FAM47E: variants seen among roughly 807,000 people sequenced by gnomAD.
The protein encoded by FAM47E is family with sequence similarity 47 member E.
In FAM47E, 32 loss-of-function variants were observed where a neutral mutation model predicts 41.6. The observed-to-expected ratio is 0.77, with a 90% CI of 0.58 to 1.03. The LOEUF is 1.03. FAM47E is among the 50% of genes least tolerant of loss of function. FAM47E has a pLI of 0.00. For missense variants in FAM47E, 424 were observed against 485.4 expected (o/e 0.87, Z 1.19); for synonymous variants, 184 against 188.7 (o/e 0.98, Z 0.20).
chr4:76,256,132 A>G (rs1202964896), intron 1 of FAM47E, 46 bp from the exon 2 acceptor site: 22 of 1,517,498 alleles, frequency 1.4e-5, no homozygotes, highest in Non-Finnish European at 2.0e-5. Context: ...TAATATGAAC[A>G]GGCATGTGGT....
chr4:76,244,782 C>T (rs917846683), intron 2 of FAM47E, among the ~76,000 whole-genome samples: 4 of 152,130 alleles, frequency 2.6e-5, no homozygotes, highest in African/African-American at 9.7e-5. Flanking sequence ...TCGTGATCCA[C>T]CCACCTCGGC....
intron 2 of FAM47E, among the ~76,000 whole-genome samples, chr4:76,240,026 G>GT (rs752414455): frequency 1.2e-4 from 19 of 152,024 alleles, no homozygotes; most frequent in Non-Finnish European, 2.1e-4. Flanking sequence ...TGCTAAGAGG[G>GT]TTTTTTTCTG....
At chr4:76,215,461 G>A (rs1733188914) in intron 1 of FAM47E, among the ~76,000 whole-genome samples, 2 of 152,224 alleles carry the variant, frequency 1.3e-5, no homozygotes, top group Admixed American at 1.3e-4. Flanking sequence ...AGGAGGCTTT[G>A]TTGAGGACTT....
chr4:76,267,070 G>C (rs528858159), intron 3 of FAM47E, among the ~76,000 whole-genome samples: 3 of 152,024 alleles, frequency 2.0e-5, no homozygotes, highest in Non-Finnish European at 4.4e-5. Context: ...TAATCACCCG[G>C]CATATGTTTG....
At chr4:76,277,944 A>G in intron 5 of FAM47E, 125 bp from the exon 6 acceptor site, 2 of 1,179,328 alleles carry the variant, frequency 1.7e-6, no homozygotes, top group African/African-American at 3.1e-5. Flanking sequence ...TTCACAAAAT[A>G]CTTTGGCAAG....
chr4:76,242,422 G>A (rs1733730910), intron 2 of FAM47E, among the ~76,000 whole-genome samples: 1 of 152,150 alleles, frequency 6.6e-6, no homozygotes, highest in Admixed American at 6.5e-5. Context: ...ACCAGAAGTA[G>A]TTGCCATTAC....
At chr4:76,282,049 GTAGAAGTA>G (rs1192612623) in intron 7 of FAM47E, 5 of 56,684 alleles carry the variant, frequency 8.8e-5, no homozygotes, top group Non-Finnish European at 1.7e-4. Context: ...ACATTTGTAT[GTAGAAGTA>G]CAGTACATTT....
intron 2 of FAM47E, among the ~76,000 whole-genome samples, chr4:76,256,740 C>T (rs572843307): frequency 6.6e-5 from 10 of 152,302 alleles, no homozygotes; most frequent in African/African-American, 2.4e-4. Context: ...GCTCTCTTTG[C>T]TTCCTGTGAA....
At chr4:76,216,093 T>TG (rs1733201847) in intron 1 of FAM47E, among the ~76,000 whole-genome samples, 1 of 152,176 alleles carries the variant, frequency 6.6e-6, no homozygotes, top group African/African-American at 2.4e-5. Context: ...CCCAGCCTGA[T>TG]GGGTGGGTGG....
At chr4:76,249,603 C>A (rs530661024), upstream of FAM47E, among the ~76,000 whole-genome samples, 110 of 151,648 alleles carry the variant, frequency 7.3e-4, 1 homozygote, top group African/African-American at 2.6e-3. Context: ...TGAGTAAGTT[C>A]TCCAGTGGCA....
intron 1 of FAM47E, among the ~76,000 whole-genome samples, chr4:76,254,023 G>GAGATTGGA (rs1734083337): frequency 6.6e-6 from 1 of 151,546 alleles, no homozygotes; most frequent in Admixed American, 6.6e-5. Flanking sequence ...TTGGGGGACT[G>GAGATTGGA]AGATTGGAGG....
intron 1 of FAM47E, among the ~76,000 whole-genome samples, chr4:76,255,521 G>A (rs12645290): frequency 0.07 from 10,643 of 152,198 alleles, 677 homozygotes; most frequent in South Asian, 0.26. Flanking sequence ...TTGATCCCCT[G>A]AGTTTAGGGG....
At chr4:76,231,605 T>G (rs1431923044) in intron 2 of FAM47E, among the ~76,000 whole-genome samples, 1 of 152,252 alleles carries the variant, frequency 6.6e-6, no homozygotes, top group Non-Finnish European at 1.5e-5. Context: ...TTGGCCTGAT[T>G]ATTTGCATAA....
At chr4:76,217,512 C>A in intron 1 of FAM47E, 1 of 416,704 alleles carries the variant, frequency 2.4e-6, no homozygotes, top group East Asian at 3.5e-5. Flanking sequence ...GCACCTCCTC[C>A]TTCTCTCTCT....
intron 5 of FAM47E, among the ~76,000 whole-genome samples, chr4:76,273,308 A>C (rs1734967120): frequency 6.6e-6 from 1 of 152,206 alleles, no homozygotes; most frequent in Admixed American, 6.5e-5. Flanking sequence ...TTTCCATTTA[A>C]TACTTCAGAC....
intron 2 of FAM47E, among the ~76,000 whole-genome samples, chr4:76,229,480 G>A (rs886415447): frequency 6.6e-6 from 1 of 152,148 alleles, no homozygotes; most frequent in African/African-American, 2.4e-5. Flanking sequence ...CTGTTTCAGT[G>A]GAAAAAGCTG....
At chr4:76,244,443 C>T (rs1733778735) in intron 2 of FAM47E, among the ~76,000 whole-genome samples, 1 of 151,676 alleles carries the variant, frequency 6.6e-6, no homozygotes. Flanking sequence ...TCTAACTGGC[C>T]TGAGATGGTA....
intron 2 of FAM47E, among the ~76,000 whole-genome samples, chr4:76,222,527 C>T (rs1053404127): frequency 1.3e-5 from 2 of 152,214 alleles, no homozygotes; most frequent in Non-Finnish European, 2.9e-5. Context: ...CGTGCCCGGC[C>T]TTTTTCCTAT....
chr4:76,270,884 G>C (rs1310662908), intron 4 of FAM47E, among the ~76,000 whole-genome samples: 1 of 151,958 alleles, frequency 6.6e-6, no homozygotes, highest in Non-Finnish European at 1.5e-5. Flanking sequence ...CGTTAGCCTC[G>C]TTTTGCCTGT....
Sources: gnomAD v4.1 joint callset for allele counts (sites outside exome capture counted in the v4.1 genomes callset) on GRCh38, gnomAD v4.1.1 for gene constraint, MANE v1.5 for transcripts, NCBI Gene and HGNC (gene_info 2026-07-23, HGNC 2026-07-21) for gene names.